Variants in MATN2 observed in about 807,000 individuals in gnomAD.
MATN2 encodes the protein matrilin-2.
A neutral mutation model predicts 103.2 loss-of-function variants in MATN2; 69 were observed. The observed-to-expected ratio is 0.67, with a 90% CI of 0.55 to 0.82. The LOEUF (loss-of-function observed/expected upper bound fraction) is 0.82. Ranked by LOEUF, MATN2 falls within the 40% of genes least tolerant of loss-of-function variation. The pLI, the probability that MATN2 is intolerant of heterozygous loss-of-function variation, is 0.00. For synonymous variants in MATN2, 429 were observed against 450.2 expected (o/e 0.95, Z 0.60); for missense variants, 1,023 against 1,211.5 (o/e 0.84, Z 2.31).
In MATN2 at chr8:98,030,461, G is replaced by C. The variant is rs1472672931; in HGVS notation, c.2357-1G>C. On this transcript the variant is annotated splice_acceptor_variant, in intron 14 of 18. Transcript: ENST00000254898. LOFTEE classifies it high-confidence loss of function. Reference sequence around the variant, plus strand: ...TGCTCTTAATTTTTCCTGCACCCTAGGTATCACTATGTATGCTGTTGGGGT... The same window carrying C: ...TGCTCTTAATTTTTCCTGCACCCTACGTATCACTATGTATGCTGTTGGGGT... The C allele has an allele frequency of 1.2e-6, 2 of 1,611,896 alleles. No individual in the cohort carries two copies. The highest frequency in any genetic ancestry group is 4.5e-5 in the East Asian group (2 of 44,850).
At chr8:97,876,488 C>A (rs1222177167) in intron 1 of MATN2, among the ~76,000 whole-genome samples, 1 of 152,098 alleles carries the variant, frequency 6.6e-6, no homozygotes, top group Admixed American at 6.6e-5. Flanking sequence ...CGCGCCTGGA[C>A]AATTCATGTA....
At chr8:97,909,786 CTT>C (rs763916849) in intron 2 of MATN2, among the ~76,000 whole-genome samples, 11 of 143,612 alleles carry the variant, frequency 7.7e-5, no homozygotes, top group South Asian at 2.2e-4. Flanking sequence ...CATGATTTCA[CTT>C]TTTTTTTTTT....
chr8:97,986,232 G>A lies in MATN2; in HGVS notation c.1081+7224G>A, dbSNP rs537895906. Among the ~76,000 whole-genome samples, 77 of 152,116 alleles carry A rather than the reference G, an allele frequency of 5.1e-4. 1 individual carries two copies. In the South Asian group the frequency reaches 0.014, roughly 28 times the overall value. ...ATATTCAAAATTATTTTCTAAAAACGTTTTACCGATTTATACTCTACCATC... is the reference window on the plus strand; with the variant it reads ...ATATTCAAAATTATTTTCTAAAAACATTTTACCGATTTATACTCTACCATC... On this transcript the variant is annotated intron_variant, in intron 6 of 18. Coordinates refer to ENST00000254898, the MANE Select transcript of MATN2 (RefSeq NM_002380.5).
intron 2 of MATN2, among the ~76,000 whole-genome samples, chr8:97,906,161 C>T (rs528708489): frequency 5.1e-4 from 77 of 152,246 alleles, no homozygotes; most frequent in Middle Eastern, 3.4e-3. Flanking sequence ...CAGCAGTACA[C>T]GAGGGTTCCA....
chr8:97,900,641 T>C (rs113345903), intron 2 of MATN2, among the ~76,000 whole-genome samples: 8 of 152,242 alleles, frequency 5.3e-5, no homozygotes, highest in African/African-American at 1.9e-4. Flanking sequence ...TGAATAAAGA[T>C]ATACTGAGAA....
chr8:98,034,300 C>T (rs560580768), intron 18 of MATN2: 23 of 414,416 alleles, frequency 5.5e-5, no homozygotes, highest in East Asian at 4.3e-4. Flanking sequence ...AAAGAGGATT[C>T]GGTGCTTTTA....
chr8:97,994,752 C>A, intron 7 of MATN2, 150 bp downstream of exon 7: 1 of 868,798 alleles, frequency 1.2e-6, no homozygotes. Context: ...CTTTTTGGCT[C>A]ACTAGATCCT....
At chr8:97,962,009 CTCAGCGTAATTA>C (rs1186741888) in intron 5 of MATN2, among the ~76,000 whole-genome samples, 14 of 152,232 alleles carry the variant, frequency 9.2e-5, no homozygotes, top group African/African-American at 3.4e-4. Context: ...GCCATATGGG[CTCAGCGTAATTA>C]GACGGCGTGG....
At chr8:97,960,757 A>G (rs754775923) in intron 4 of MATN2, among the ~76,000 whole-genome samples, 8 of 152,192 alleles carry the variant, frequency 5.3e-5, no homozygotes, top group Non-Finnish European at 1.2e-4. Flanking sequence ...ATTCTGTCTC[A>G]AAAAAATTAT....
intron 3 of MATN2, among the ~76,000 whole-genome samples, chr8:97,936,939 A>T (rs1346872896): frequency 6.6e-6 from 1 of 151,916 alleles, no homozygotes; most frequent in Non-Finnish European, 1.5e-5. Flanking sequence ...CAGGAATTCC[A>T]TTTTTTTCTA....
At chr8:97,896,068 C>T (rs942356539) in intron 2 of MATN2, among the ~76,000 whole-genome samples, 1 of 152,194 alleles carries the variant, frequency 6.6e-6, no homozygotes, top group Non-Finnish European at 1.5e-5. Flanking sequence ...TTTGGAGGTG[C>T]TGCTGCAGCC....
chr8:97,997,836 T>TC (rs1300851816), intron 7 of MATN2, among the ~76,000 whole-genome samples: 11 of 137,996 alleles, frequency 8.0e-5, no homozygotes, highest in Admixed American at 2.8e-4. Flanking sequence ...TTTTTTTTTT[T>TC]CCAGACAGAA....
chr8:97,877,408 C>T (rs193256372), intron 1 of MATN2, among the ~76,000 whole-genome samples: 68 of 151,588 alleles, frequency 4.5e-4, no homozygotes, highest in African/African-American at 1.5e-3. Context: ...ACCCGGGAGG[C>T]GGAGGTTGCA....
At chr8:97,947,561 G>A (rs1173847877) in intron 4 of MATN2, among the ~76,000 whole-genome samples, 1 of 152,022 alleles carries the variant, frequency 6.6e-6, no homozygotes, top group African/African-American at 2.4e-5. Flanking sequence ...TTAAAGATGT[G>A]TATGATTTAC....
At chr8:97,944,593 T>C (rs574493535) in intron 4 of MATN2, among the ~76,000 whole-genome samples, 1 of 152,364 alleles carries the variant, frequency 6.6e-6, no homozygotes, top group African/African-American at 2.4e-5. Flanking sequence ...GCTGGTTATT[T>C]AAACTTCTTG....
chr8:97,951,709 C>A (rs1439589135), intron 4 of MATN2, among the ~76,000 whole-genome samples: 1 of 151,318 alleles, frequency 6.6e-6, no homozygotes, highest in African/African-American at 2.4e-5. Context: ...AATTGAAAAG[C>A]ACTCTACAGG....
At chr8:97,895,708 C>T (rs1229492231) in intron 2 of MATN2, among the ~76,000 whole-genome samples, 2 of 152,206 alleles carry the variant, frequency 1.3e-5, no homozygotes, top group African/African-American at 4.8e-5. Context: ...CTATGAAAGG[C>T]AACTCTCATT....
intron 2 of MATN2, among the ~76,000 whole-genome samples, chr8:97,929,210 AC>A (rs1810097081): frequency 6.6e-6 from 1 of 152,198 alleles, no homozygotes; most frequent in Admixed American, 6.5e-5. Flanking sequence ...GCACTCAGGG[AC>A]GAGTCACAGC....
intron 4 of MATN2, among the ~76,000 whole-genome samples, chr8:97,945,322 T>C (rs1018186990): frequency 3.3e-5 from 5 of 152,194 alleles, no homozygotes; most frequent in Non-Finnish European, 7.3e-5. Context: ...ACTCTCATTT[T>C]ACAGATAAGC....
Sources: allele counts gnomAD v4.1 joint callset (sites outside exome capture counted in the v4.1 genomes callset), GRCh38; gene constraint gnomAD v4.1.1; transcripts MANE v1.5; gene names NCBI Gene and HGNC (gene_info 2026-07-23, HGNC 2026-07-21).